CA10: variants seen among roughly 807,000 people sequenced by gnomAD.
The protein encoded by CA10 is carbonic anhydrase 10 (inactive).
Under a neutral mutation model 44.2 loss-of-function variants are expected in CA10, and 14 were observed. That is an observed-to-expected ratio of 0.32 (90% CI 0.21 to 0.50). CA10 has a LOEUF of 0.50. Ranked by LOEUF, CA10 falls within the 20% of genes least tolerant of loss-of-function variation. The pLI, the probability that CA10 is intolerant of heterozygous loss-of-function variation, is 0.99. For missense variants in CA10, 350 were observed against 409.7 expected (o/e 0.85, Z 1.26); for synonymous variants, 159 against 141.6 (o/e 1.12, Z -0.87).
intron 2 of CA10, among the ~76,000 whole-genome samples, chr17:52,053,589 GACA>G (rs1164872812): frequency 6.6e-6 from 1 of 151,952 alleles, no homozygotes; most frequent in Non-Finnish European, 1.5e-5. Flanking sequence ...CAAAAGAATG[GACA>G]TTGCTGAAAG....
chr17:51,838,270 A>T (rs141113121), intron 3 of CA10, among the ~76,000 whole-genome samples: 135 of 152,358 alleles, frequency 8.9e-4, no homozygotes, highest in Non-Finnish European at 1.3e-3. Flanking sequence ...CTACTAAACC[A>T]TCTTGCCTGA....
At chr17:51,744,423 C>G (rs1356771009) in intron 4 of CA10, among the ~76,000 whole-genome samples, 1 of 151,972 alleles carries the variant, frequency 6.6e-6, no homozygotes, top group African/African-American at 2.4e-5. Flanking sequence ...TATGGAGTCA[C>G]CAAATTCTGT....
chr17:51,846,021 A>G (rs932768476), intron 3 of CA10, among the ~76,000 whole-genome samples: 13 of 152,228 alleles, frequency 8.5e-5, no homozygotes, highest in Admixed American at 1.3e-4. Context: ...ATCCCTCGAG[A>G]GCCCAGTGAG....
At chr17:51,863,502 C>T (rs1423487041) in intron 3 of CA10, among the ~76,000 whole-genome samples, 1 of 152,194 alleles carries the variant, frequency 6.6e-6, no homozygotes, top group Non-Finnish European at 1.5e-5. Flanking sequence ...TAGCTAGACT[C>T]TGAGATACTT....
intron 3 of CA10, among the ~76,000 whole-genome samples, chr17:51,832,041 T>C (rs1281001977): frequency 6.6e-6 from 1 of 152,258 alleles, no homozygotes; most frequent in East Asian, 1.9e-4. Context: ...ATTCCTGTTT[T>C]CCCCAGGCCA....
chr17:52,091,865 T>C (rs145477618), intron 1 of CA10, among the ~76,000 whole-genome samples: 2 of 152,284 alleles, frequency 1.3e-5, no homozygotes, highest in Non-Finnish European at 2.9e-5. Flanking sequence ...ATGAAACGAA[T>C]GTGCCCTGGA....
intron 3 of CA10, among the ~76,000 whole-genome samples, chr17:51,782,209 C>T (rs561641531): frequency 6.6e-6 from 1 of 152,334 alleles, no homozygotes; most frequent in Admixed American, 6.5e-5. Flanking sequence ...GAATGTACTA[C>T]TAACTTGTTC....
At chr17:52,057,126 G>A (rs1328717525) in intron 2 of CA10, among the ~76,000 whole-genome samples, 1 of 152,050 alleles carries the variant, frequency 6.6e-6, no homozygotes, top group Non-Finnish European at 1.5e-5. Flanking sequence ...GTAAAATACA[G>A]TGCATAGTAG....
intron 3 of CA10, among the ~76,000 whole-genome samples, chr17:51,870,328 G>T (rs1979745152): frequency 6.6e-6 from 1 of 152,192 alleles, no homozygotes. Flanking sequence ...GAAAGAGCTG[G>T]CAGTCCACAA....
intron 2 of CA10, among the ~76,000 whole-genome samples, chr17:51,975,721 G>T (rs1984439482): frequency 6.6e-6 from 1 of 151,802 alleles, no homozygotes; most frequent in Non-Finnish European, 1.5e-5. Context: ...AAATTAGCTG[G>T]GTGTGGTGGG....
chr17:51,689,011 G>GA (rs1464225876), intron 4 of CA10, among the ~76,000 whole-genome samples: 3 of 152,118 alleles, frequency 2.0e-5, no homozygotes, highest in African/African-American at 7.2e-5. Flanking sequence ...AGGGGTAACG[G>GA]AGGCACAGAT....
intron 4 of CA10, among the ~76,000 whole-genome samples, chr17:51,745,851 A>C (rs150926713): frequency 6.6e-6 from 1 of 152,368 alleles, no homozygotes; most frequent in African/African-American, 2.4e-5. Flanking sequence ...AGCAAACAAA[A>C]AAATGAGCAA....
chr17:52,094,770 C>T (rs1162695543), intron 1 of CA10, among the ~76,000 whole-genome samples: 3 of 152,126 alleles, frequency 2.0e-5, no homozygotes, highest in Non-Finnish European at 4.4e-5. Context: ...AATGCCACTA[C>T]CACCACCAGA....
chr17:52,072,869 G>T (rs1286808442), intron 1 of CA10, among the ~76,000 whole-genome samples: 1 of 152,086 alleles, frequency 6.6e-6, no homozygotes, highest in Non-Finnish European at 1.5e-5. Flanking sequence ...CTTTCCTTAG[G>T]TCCCAGGAAA....
intron 4 of CA10, among the ~76,000 whole-genome samples, chr17:51,654,905 G>C (rs1913731465): frequency 6.6e-6 from 1 of 151,344 alleles, no homozygotes. Context: ...AAAACGTGAT[G>C]CCCCCCCCAC....
In CA10 at chr17:51,634,497, C is replaced by T. The variant is rs541713398; in HGVS notation, c.790-847G>A. Among the ~76,000 whole-genome samples the T allele has an allele frequency of 3.9e-5, 6 of 152,198 alleles. No individual in the cohort carries two copies. The East Asian group carries it at 9.7e-4, about 24-fold the overall frequency. The stretch of plus-strand genomic sequence containing the variant: ...TTAATTTGTTATAGACTCCCACAGT[C>T]GTAGAATGTCAGAGCTGGAGCAAAC... On this transcript the variant is annotated intron_variant, in intron 7 of 8. Transcript: ENST00000451037.
At position 52,116,214 on chromosome 17, in the gene CA10, C is replaced by T. The variant is rs565024384; in HGVS notation, c.61+41512G>A. ...TATTATTATTTTCTTCTTTTTTCACCCTATCAGGAGTTAACTTTTGTGTGA... is the reference window on the plus strand; with the variant it reads ...TATTATTATTTTCTTCTTTTTTCACTCTATCAGGAGTTAACTTTTGTGTGA... On this transcript the variant is annotated intron_variant, in intron 1 of 8. Transcript: ENST00000451037. Among the ~76,000 whole-genome samples the T allele has an allele frequency of 1.5e-4, 23 of 152,100 alleles. 2 individuals are homozygous for T. The highest frequency in any genetic ancestry group is 1.5e-3 in the South Asian group (7 of 4,822).
At chr17:51,732,073 C>A (rs1190485440) in intron 4 of CA10, among the ~76,000 whole-genome samples, 1 of 152,188 alleles carries the variant, frequency 6.6e-6, no homozygotes, top group Non-Finnish European at 1.5e-5. Context: ...GCCTAGATAA[C>A]TTATCAGAAG....
chr17:51,714,374 G>A (rs1488042777), intron 4 of CA10, among the ~76,000 whole-genome samples: 2 of 152,200 alleles, frequency 1.3e-5, no homozygotes, highest in Non-Finnish European at 2.9e-5. Flanking sequence ...TGTAAAATGG[G>A]TACAATAATA....
Sources: gnomAD v4.1 joint callset for allele counts (sites outside exome capture counted in the v4.1 genomes callset) on GRCh38, gnomAD v4.1.1 for gene constraint, MANE v1.5 for transcripts, NCBI Gene and HGNC (gene_info 2026-07-23, HGNC 2026-07-21) for gene names.